The following KIF6 variants were observed in gnomAD, a reference collection of about 807,000 sequenced individuals.
KIF6 encodes the protein kinesin-like protein KIF6.
In KIF6, 106 loss-of-function variants were observed where a neutral mutation model predicts 112.7. That is an observed-to-expected ratio of 0.94 (90% CI 0.80 to 1.11). The LOEUF is 1.11. Among genes scored for constraint, KIF6 ranks in the 50% least tolerant of loss-of-function variants. KIF6 has a pLI of 0.00. For missense variants in KIF6, 929 were observed against 964.0 expected, an observed-to-expected ratio of 0.96 and a Z score of 0.48; for synonymous variants, 339 against 339.9, an observed-to-expected ratio of 1.00 and a Z score of 0.03.
intron 3 of KIF6, among the ~76,000 whole-genome samples, chr6:39,704,009 T>C (rs1385875319): frequency 6.6e-6 from 1 of 152,202 alleles, no homozygotes; most frequent in African/African-American, 2.4e-5. Flanking sequence ...AAGTCCTGAA[T>C]TGAAGATCTG....
At chr6:39,383,050 G>A (rs1344652050) in intron 16 of KIF6, among the ~76,000 whole-genome samples, 5 of 151,492 alleles carry the variant, frequency 3.3e-5, no homozygotes, top group East Asian at 1.9e-4. Context: ...GTTCCTTATC[G>A]ATTCTGGATA....
intron 16 of KIF6, among the ~76,000 whole-genome samples, chr6:39,365,053 C>T (rs1467112671): frequency 1.3e-5 from 2 of 152,180 alleles, no homozygotes; most frequent in Non-Finnish European, 2.9e-5. Flanking sequence ...CATTTATTGG[C>T]AGCCTAGTCT....
intron 15 of KIF6, among the ~76,000 whole-genome samples, chr6:39,389,624 T>C (rs1234712192): frequency 1.3e-5 from 2 of 152,232 alleles, no homozygotes; most frequent in African/African-American, 4.8e-5. Context: ...GCTTTCCTGC[T>C]GAGCCTGAGT....
intron 15 of KIF6, among the ~76,000 whole-genome samples, chr6:39,396,685 C>T (rs905690297): frequency 1.3e-5 from 2 of 152,164 alleles, no homozygotes; most frequent in African/African-American, 4.8e-5. Flanking sequence ...AGGGTGATAA[C>T]ACCAACCTTG....
At chr6:39,501,743 A>T (rs1309072958) in intron 13 of KIF6, among the ~76,000 whole-genome samples, 1 of 152,220 alleles carries the variant, frequency 6.6e-6, no homozygotes. Flanking sequence ...GAGCTGGAAG[A>T]CTAGCTTCTG....
chr6:39,619,613 C>T (rs993230702), intron 5 of KIF6, among the ~76,000 whole-genome samples: 7 of 152,122 alleles, frequency 4.6e-5, no homozygotes, highest in South Asian at 2.1e-4. Context: ...TGAAAATGAA[C>T]GTCACCAAAG....
intron 6 of KIF6, among the ~76,000 whole-genome samples, chr6:39,602,262 T>C (rs569183432): frequency 6.6e-6 from 1 of 152,252 alleles, no homozygotes; most frequent in South Asian, 2.1e-4. Context: ...CTTTCTTTTA[T>C]GGGGTGAAAA....
chr6:39,525,267 C>T (rs1777649006), intron 13 of KIF6, among the ~76,000 whole-genome samples: 1 of 152,128 alleles, frequency 6.6e-6, no homozygotes, highest in African/African-American at 2.4e-5. Flanking sequence ...CCTCAGCCTC[C>T]CAAGTGGCTG....
intron 13 of KIF6, among the ~76,000 whole-genome samples, chr6:39,480,745 G>T (rs1398169610): frequency 6.6e-6 from 1 of 152,054 alleles, no homozygotes; most frequent in Non-Finnish European, 1.5e-5. Context: ...CTTGTTATTG[G>T]TCTGTTAAGG....
intron 13 of KIF6, among the ~76,000 whole-genome samples, chr6:39,536,194 G>A (rs1778412086): frequency 6.6e-6 from 1 of 151,050 alleles, no homozygotes; most frequent in Non-Finnish European, 1.5e-5. Context: ...GCTAGCAGAA[G>A]GCAAGAAATA....
chr6:39,412,908 C>A (rs1769593116), intron 15 of KIF6, among the ~76,000 whole-genome samples: 1 of 152,014 alleles, frequency 6.6e-6, no homozygotes, highest in South Asian at 2.1e-4. Context: ...ATGCTCATGT[C>A]TCCATCTCTC....
chr6:39,370,654 T>G (rs781237550), intron 16 of KIF6, among the ~76,000 whole-genome samples: 6 of 152,142 alleles, frequency 3.9e-5, no homozygotes, highest in Non-Finnish European at 8.8e-5. Flanking sequence ...AAATAAATGT[T>G]TGACAAGAAT....
chr6:39,600,199 G>T (rs1281118838), intron 6 of KIF6, among the ~76,000 whole-genome samples: 1 of 152,116 alleles, frequency 6.6e-6, no homozygotes, highest in Non-Finnish European at 1.5e-5. Flanking sequence ...AGAACAGATG[G>T]CACCATTTAG....
At chr6:39,353,987 CTG>C in intron 19 of KIF6, 1 of 441,864 alleles carries the variant, frequency 2.3e-6, no homozygotes, top group Admixed American at 2.6e-5. Flanking sequence ...TGCATGGCCT[CTG>C]TTTTCACATG....
At chr6:39,707,030 T>G (rs1275040772) in intron 3 of KIF6, among the ~76,000 whole-genome samples, 2 of 152,232 alleles carry the variant, frequency 1.3e-5, no homozygotes, top group Admixed American at 1.3e-4. Context: ...TGGACCCCAT[T>G]TGCCCCAGTG....
chr6:39,532,953 T>C (rs540869316), intron 13 of KIF6, among the ~76,000 whole-genome samples: 2 of 152,288 alleles, frequency 1.3e-5, no homozygotes, highest in South Asian at 2.1e-4. Context: ...CACACGCGAA[T>C]GAACTTGGGC....
Position 39,609,849 on chromosome 6 carries a change from A to G in KIF6, c.639+3340T>C, listed in dbSNP as rs564031192. Among the ~76,000 whole-genome samples, 7 of 152,304 alleles carry G rather than the reference A, an allele frequency of 4.6e-5. No individual in the cohort carries two copies. In the South Asian group the frequency reaches 8.3e-4, roughly 18 times the overall value. On this transcript the variant is annotated intron_variant, in intron 6 of 22. Transcript: ENST00000287152. ...GCCTGAGCACATTTAAAATGCTACA[A>G]TGCACATTCCTGGGCTCCACATGGA...
intron 14 of KIF6, among the ~76,000 whole-genome samples, chr6:39,429,059 G>A (rs1770958400): frequency 6.6e-6 from 1 of 152,202 alleles, no homozygotes. Context: ...TGACTAGGAA[G>A]GGCTGGACTG....
chr6:39,503,476 G>A (rs1395739819), intron 13 of KIF6, among the ~76,000 whole-genome samples: 2 of 151,876 alleles, frequency 1.3e-5, no homozygotes, highest in Admixed American at 1.3e-4. Context: ...ACCAATATCA[G>A]AGCTGAACTG....
Sources: gnomAD v4.1 joint callset for allele counts (sites outside exome capture counted in the v4.1 genomes callset) on GRCh38, gnomAD v4.1.1 for gene constraint, MANE v1.5 for transcripts, NCBI Gene and HGNC (gene_info 2026-07-23, HGNC 2026-07-21) for gene names.